The following PDE4D variants were observed in gnomAD, a reference collection of about 807,000 sequenced individuals.
PDE4D encodes the protein 3',5'-cyclic-AMP phosphodiesterase 4D.
A neutral mutation model predicts 87.4 loss-of-function variants in PDE4D; 24 were observed. The observed-to-expected ratio is 0.27, with a 90% CI of 0.20 to 0.39. The LOEUF (loss-of-function observed/expected upper bound fraction) is 0.39. Among genes scored for constraint, PDE4D ranks in the 10% least tolerant of loss-of-function variants. The pLI is 1.00. For missense variants in PDE4D, 714 were observed against 1,041.0 expected, an observed-to-expected ratio of 0.69 and a Z score of 4.32; for synonymous variants, 384 against 383.2, an observed-to-expected ratio of 1.00 and a Z score of -0.02.
chr5:59,209,355 T>G (rs1324967478), intron 2 of PDE4D, among the ~76,000 whole-genome samples: 1 of 152,020 alleles, frequency 6.6e-6, no homozygotes, highest in Non-Finnish European at 1.5e-5. Flanking sequence ...CCAGCAAATT[T>G]TTGTATTTTT....
rs186869863 is a variant in PDE4D at position 60,467,051 on chromosome 5, T to G, written c.-90+20891A>C. 4.1e-3 allele frequency among the ~76,000 whole-genome samples: 623 copies of G among 152,154 alleles called. 6 individuals are homozygous for G. The highest frequency in any genetic ancestry group is 0.014 in the African/African-American group (595 of 41,538). ...TTATTTTATTTTATTTTATTTTATT[T>G]ATTTTTGAGATGGATTTTTGCTTTG... On this transcript the variant is annotated intron_variant, in intron 1 of 16. Coordinates refer to the PDE4D transcript ENST00000502484.
At chr5:59,811,774 G>C (rs1047978268) in intron 1 of PDE4D, among the ~76,000 whole-genome samples, 1 of 152,158 alleles carries the variant, frequency 6.6e-6, no homozygotes, top group African/African-American at 2.4e-5. Context: ...CCTAGGCAAG[G>C]TACATAACTT....
intron 1 of PDE4D, among the ~76,000 whole-genome samples, chr5:60,381,863 G>GA (rs1405092356): frequency 6.6e-6 from 1 of 152,052 alleles, no homozygotes; most frequent in South Asian, 2.1e-4. Flanking sequence ...AAAGATTAGA[G>GA]AAAAAAACAG....
chr5:59,309,318 T>C (rs1772088166), intron 1 of PDE4D, among the ~76,000 whole-genome samples: 2 of 152,196 alleles, frequency 1.3e-5, no homozygotes, highest in Admixed American at 1.3e-4. Context: ...AGAGATTTTC[T>C]TCTCCCTGTA....
chr5:60,445,262 T>C (rs1745557189), intron 1 of PDE4D, among the ~76,000 whole-genome samples: 1 of 152,162 alleles, frequency 6.6e-6, no homozygotes, highest in African/African-American at 2.4e-5. Context: ...TTTAACTGCA[T>C]TACAGTAATT....
intron 2 of PDE4D, among the ~76,000 whole-genome samples, chr5:59,202,184 C>T (rs529144437): frequency 4.0e-5 from 6 of 151,650 alleles, no homozygotes; most frequent in Admixed American, 6.6e-5. Flanking sequence ...GGACTACAGG[C>T]GCCTGCCACC....
At chr5:59,437,361 C>G (rs1164829921) in intron 1 of PDE4D, among the ~76,000 whole-genome samples, 1 of 152,188 alleles carries the variant, frequency 6.6e-6, no homozygotes, top group Non-Finnish European at 1.5e-5. Context: ...AAAGCATAGT[C>G]TACTTGCCAA....
chr5:59,678,666 T>C (rs765539323), intron 1 of PDE4D, among the ~76,000 whole-genome samples: 80 of 152,128 alleles, frequency 5.3e-4, no homozygotes, highest in Non-Finnish European at 8.8e-4. Context: ...AGTTTCACCA[T>C]GTTGGTCAGG....
rs763907836 is a variant in PDE4D at position 59,215,549 on chromosome 5, ATGCGTGTG to A, written c.647+220_647+227del. On this transcript the variant is annotated intron_variant, in intron 2 of 14. Transcript: ENST00000340635. ...AAGTATTTTCTGGGAAAATAAATAC[ATGCGTGTG>A]TGTGTGTGTGTGTGTGTGTGTGTGT... 3.9e-4 allele frequency: 163 copies of A among 419,680 alleles called. 1 individual carries two copies. Among genetic ancestry groups the A allele is most frequent in the African/African-American group, 2.6e-3 (109 of 41,470 alleles). 26.0% of individuals were successfully genotyped at this position (419,680 alleles called of 1,614,324 possible).
chr5:59,603,943 C>T (rs1263677980), intron 1 of PDE4D, among the ~76,000 whole-genome samples: 1 of 151,872 alleles, frequency 6.6e-6, no homozygotes, highest in South Asian at 2.1e-4. Flanking sequence ...TGAGTTAATG[C>T]ATGTTAATTT....
chr5:59,124,976 T>TA (rs1452226943), intron 5 of PDE4D, among the ~76,000 whole-genome samples: 1 of 150,002 alleles, frequency 6.7e-6, no homozygotes, highest in Non-Finnish European at 1.5e-5. Context: ...ATTTCTTTTC[T>TA]TTTCTTTTCT....
At position 59,269,138 on chromosome 5, in the gene PDE4D, A is replaced by G. The variant is rs760976214; in HGVS notation, c.456-53170T>C. Among the ~76,000 whole-genome samples, 26 of 152,198 alleles carry G rather than the reference A, an allele frequency of 1.7e-4. 1 individual carries two copies. The highest frequency in any genetic ancestry group is 1.0e-3 in the Admixed American group (16 of 15,260). On this transcript the variant is annotated intron_variant, in intron 1 of 14. Coordinates refer to ENST00000340635, the MANE Select transcript of PDE4D (RefSeq NM_001104631.2). ...AGAGTTGCAGTCAGGACTAAGTATTATTGCACACATAACCACAGCCAGTTG... is the reference window on the plus strand; with the variant it reads ...AGAGTTGCAGTCAGGACTAAGTATTGTTGCACACATAACCACAGCCAGTTG...
intron 1 of PDE4D, among the ~76,000 whole-genome samples, chr5:60,469,291 C>T (rs985704397): frequency 6.6e-6 from 1 of 152,114 alleles, no homozygotes; most frequent in Non-Finnish European, 1.5e-5. Context: ...ACTCCACCCC[C>T]TCCTGTTCTG....
chr5:58,996,596 T>C (rs1310943131), intron 6 of PDE4D, among the ~76,000 whole-genome samples: 1 of 152,174 alleles, frequency 6.6e-6, no homozygotes, highest in Middle Eastern at 3.2e-3. Context: ...AAGGGAAGCC[T>C]TCTGGGAGTG....
chr5:59,517,229 C>T (rs1342660304), intron 1 of PDE4D, among the ~76,000 whole-genome samples: 2 of 152,130 alleles, frequency 1.3e-5, no homozygotes, highest in African/African-American at 4.8e-5. Context: ...GGCATCTAAC[C>T]CCCATTTCAC....
Position 59,423,955 on chromosome 5 carries a change from G to A in PDE4D, c.456-207987C>T, listed in dbSNP as rs959172085. On this transcript the variant is annotated intron_variant, in intron 1 of 14. Transcript: ENST00000340635. Reference sequence around the variant, plus strand: ...AACAGAGACTAGTTATAAAGTTAGCGGTTTTCAGGCAAGATAACATGAGGG... The same window carrying A: ...AACAGAGACTAGTTATAAAGTTAGCAGTTTTCAGGCAAGATAACATGAGGG... Among the ~76,000 whole-genome samples, 5 of 151,998 alleles carry A rather than the reference G, an allele frequency of 3.3e-5. No homozygotes were observed. The South Asian group carries it at 8.3e-4, about 25-fold the overall frequency.
chr5:59,992,452 C>A (rs1007177601), intron 2 of PDE4D, among the ~76,000 whole-genome samples: 1 of 152,154 alleles, frequency 6.6e-6, no homozygotes, highest in Non-Finnish European at 1.5e-5. Context: ...TTAGTTCTGT[C>A]CCTCTAGAGA....
chr5:59,630,244 A>G (rs781704914), intron 1 of PDE4D, among the ~76,000 whole-genome samples: 1 of 152,186 alleles, frequency 6.6e-6, no homozygotes, highest in Admixed American at 6.5e-5. Context: ...TAATTTAAGC[A>G]TTGTGATGTA....
At chr5:60,481,930 G>T (rs1162047463) in intron 1 of PDE4D, among the ~76,000 whole-genome samples, 1 of 151,802 alleles carries the variant, frequency 6.6e-6, no homozygotes, top group Non-Finnish European at 1.5e-5. Flanking sequence ...TACCTTATTG[G>T]TTACAAGGCA....
Sources: gnomAD v4.1 joint callset for allele counts (sites outside exome capture counted in the v4.1 genomes callset) on GRCh38, gnomAD v4.1.1 for gene constraint, MANE v1.5 for transcripts, NCBI Gene and HGNC (gene_info 2026-07-23, HGNC 2026-07-21) for gene names.